The following AKR1C2 variants were observed in gnomAD, a reference collection of about 807,000 sequenced individuals.
AKR1C2 encodes aldo-keto reductase family 1 member C2.
In AKR1C2, 27 loss-of-function variants were observed where a neutral mutation model predicts 39.8. The ratio of observed to expected loss-of-function variants is 0.68; its 90% CI spans 0.50 to 0.93. The LOEUF (loss-of-function observed/expected upper bound fraction) is 0.93, where lower values mean the gene tolerates loss of function less well. Ranked by LOEUF, AKR1C2 falls within the 40% of genes least tolerant of loss-of-function variation. The pLI, the probability that AKR1C2 is intolerant of heterozygous loss-of-function variation, is 0.00. For synonymous variants in AKR1C2, 114 were observed against 137.9 expected (o/e 0.83, Z 1.22); for missense variants, 263 against 365.1 (o/e 0.72, Z 2.28).
At chr10:4,993,485 T>A (rs3927920) in intron 7 of AKR1C2, among the ~76,000 whole-genome samples, 64,635 of 151,546 alleles carry the variant, frequency 0.43, 14,819 homozygotes, top group Non-Finnish European at 0.51. Flanking sequence ...TTAAAAGTCA[T>A]ACCCATTAGA....
At chr10:5,008,640 G>A (rs1218870024), upstream of AKR1C2, among the ~76,000 whole-genome samples, 1 of 152,234 alleles carries the variant, frequency 6.6e-6, no homozygotes, top group Non-Finnish European at 1.5e-5. Flanking sequence ...AAAGGGAGAT[G>A]GGAAGAGGGA....
At chr10:5,006,141 G>C (rs754854914), upstream of AKR1C2, 1 of 152,178 alleles carries the variant, frequency 6.6e-6, no homozygotes, top group African/African-American at 2.4e-5. Context: ...GATAGTATTG[G>C]ATTCCCAGAA....
At chr10:4,998,893 GA>G (rs1210921746) in intron 4 of AKR1C2, 146 bp from the exon 5 acceptor site, 36 of 1,390,874 alleles carry the variant, frequency 2.6e-5, no homozygotes, top group Middle Eastern at 1.8e-4. Context: ...AAATAAAACA[GA>G]AAAATTGGGG....
chr10:5,001,196 G>C (rs11812357), intron 2 of AKR1C2, among the ~76,000 whole-genome samples: 12,645 of 152,158 alleles, frequency 0.083, 558 homozygotes, highest in Middle Eastern at 0.13. Flanking sequence ...ACAAATGTAA[G>C]AAACTCACCC....
Position 4,989,835 on chromosome 10 carries a change from C to A in AKR1C2, c.*161G>T, listed in dbSNP as rs1168922367. The A allele has an allele frequency of 1.6e-5, 17 of 1,074,134 alleles. No individual in the cohort carries two copies. The highest frequency in any genetic ancestry group is 1.5e-4 in the Admixed American group (5 of 32,364). 66.5% of individuals were successfully genotyped at this position (1,074,134 alleles called of 1,614,324 possible). On this transcript the variant is annotated 3_prime_UTR_variant, in exon 9 of 9. Transcript: ENST00000380753. ...TCAAAATGAAAAACAAAATTATTGTCTTTCTTTTCCGGCCGATGGGCTTAG... is the reference window on the plus strand; with the variant it reads ...TCAAAATGAAAAACAAAATTATTGTATTTCTTTTCCGGCCGATGGGCTTAG...
intron 7 of AKR1C2, among the ~76,000 whole-genome samples, chr10:4,994,298 T>C (rs1836953784): frequency 6.6e-6 from 1 of 152,240 alleles, no homozygotes; most frequent in Non-Finnish European, 1.5e-5. Flanking sequence ...TACATATAAC[T>C]ATTGATATAT....
chr10:4,990,523 A>G (rs1554772067), intron 8 of AKR1C2, among the ~76,000 whole-genome samples: 1 of 152,214 alleles, frequency 6.6e-6, no homozygotes, highest in Non-Finnish European at 1.5e-5. Context: ...CCTGCCTATC[A>G]TACGCAACAC....
At chr10:5,015,781 T>A (rs1327460574) in intron 1 of AKR1C2, 1 of 152,252 alleles carries the variant, frequency 6.6e-6, no homozygotes, top group Non-Finnish European at 1.5e-5. Context: ...TATAAAGAAC[T>A]AAAGAACTAC....
chr10:4,990,293 T>C (rs1332338790), intron 8 of AKR1C2, among the ~76,000 whole-genome samples: 1 of 152,230 alleles, frequency 6.6e-6, no homozygotes, highest in Non-Finnish European at 1.5e-5. Context: ...TGTTCAAACA[T>C]GTTTCTCTAC....
chr10:4,998,363 T>C (rs1249102833), intron 5 of AKR1C2, among the ~76,000 whole-genome samples: 6 of 152,336 alleles, frequency 3.9e-5, no homozygotes, highest in South Asian at 4.1e-4. Context: ...CTGAGTCTAA[T>C]TGGCAATCCT....
At chr10:5,014,822 C>T (rs1837604750) in intron 1 of AKR1C2, 1 of 151,996 alleles carries the variant, frequency 6.6e-6, no homozygotes, top group Admixed American at 6.5e-5. Flanking sequence ...TATTATCTGC[C>T]CCTTTCCTTG....
rs368548216 is a variant in AKR1C2, at chr10:4,999,122, T to C, written c.447+78A>G. On this transcript the variant is annotated intron_variant, in intron 4 of 8. Transcript: ENST00000380753. Reference sequence around the variant, plus strand: ...TTTTGATCCAATGGTGCATTTTCCATACTTGTACTAAGAAGATAGGAAACA... The same window carrying C: ...TTTTGATCCAATGGTGCATTTTCCACACTTGTACTAAGAAGATAGGAAACA... The C allele has an allele frequency of 3.2e-5, 43 of 1,330,596 alleles. No homozygotes were observed. The East Asian group carries it at 6.5e-4, about 20-fold the overall frequency. The allele number at this position is 1,330,596 out of a possible 1,614,324, so 82.4% of individuals were successfully genotyped here.
At chr10:4,997,794 G>A (rs1429730320) in intron 5 of AKR1C2, among the ~76,000 whole-genome samples, 3 of 152,148 alleles carry the variant, frequency 2.0e-5, no homozygotes, top group Non-Finnish European at 2.9e-5. Context: ...AAGGTGTAGT[G>A]ATTTTAATGC....
rs1554773416 is a variant in AKR1C2 at position 4,998,624 on chromosome 10, C to T, written c.570+1G>A. 2 of 1,614,060 alleles carry T rather than the reference C, an allele frequency of 1.2e-6. No individual in the cohort carries two copies. Among genetic ancestry groups the T allele is most frequent in the Middle Eastern group, 1.6e-4 (1 of 6,062 alleles). ...AAGGAGAGGAGGCTGAGGGCGCTCA[C>T]CTGGTTGCAGACAGGCTTGTACTTG... is the stretch of plus-strand genomic sequence containing the variant. On this transcript the variant is annotated splice_donor_variant, in intron 5 of 8. Coordinates refer to ENST00000380753, the MANE Select transcript of AKR1C2 (RefSeq NM_001393392.1). LOFTEE classifies it high-confidence loss of function.
At chr10:4,998,161 T>C (rs2801896) in intron 5 of AKR1C2, among the ~76,000 whole-genome samples, 75,071 of 144,782 alleles carry the variant, frequency 0.52, 20,262 homozygotes, top group East Asian at 0.93. Context: ...AGCAGAGATA[T>C]CAAGAGACAC....
intron 5 of AKR1C2, chr10:4,997,465 T>A (rs1294751356): frequency 5.2e-6 from 1 of 192,970 alleles, no homozygotes; most frequent in Non-Finnish European, 1.1e-5. Flanking sequence ...GTGACATGCT[T>A]TGAGAGGTCT....
At chr10:5,009,286 G>T (rs1837470560) in intron 1 of AKR1C2, among the ~76,000 whole-genome samples, 1 of 152,108 alleles carries the variant, frequency 6.6e-6, no homozygotes, top group South Asian at 2.1e-4. Flanking sequence ...TGTTGACTCT[G>T]GATGAGTGAC....
intron 1 of AKR1C2, among the ~76,000 whole-genome samples, chr10:5,013,829 C>A (rs1261451092): frequency 6.6e-6 from 1 of 152,188 alleles, no homozygotes. Context: ...ATCATCCCAA[C>A]CTAAAACTCT....
Position 5,014,442 on chromosome 10 carries a change from T to C in AKR1C2, c.-88+3458A>G, listed in dbSNP as rs375596619. 6.7e-3 allele frequency among the ~76,000 whole-genome samples: 1,021 copies of C among 152,192 alleles called. 12 individuals carry two copies. The highest frequency in any genetic ancestry group is 0.023 in the African/African-American group (970 of 41,510). ...GCAAGAAAGTTAATGAGGCATCTCA[T>C]CCGAAATGCATGCTATCATGTGTAT... On this transcript the variant is annotated intron_variant, in intron 1 of 6. Transcript: ENST00000604507.
Sources: allele counts gnomAD v4.1 joint callset (sites outside exome capture counted in the v4.1 genomes callset), GRCh38; gene constraint gnomAD v4.1.1; transcripts MANE v1.5; gene names NCBI Gene and HGNC (gene_info 2026-07-23, HGNC 2026-07-21).